The following SRGAP3 variants were observed in gnomAD, a reference collection of about 807,000 sequenced individuals.
SRGAP3 encodes the protein SLIT-ROBO Rho GTPase activating protein 3, also known as SLIT-ROBO Rho GTPase-activating protein 3.
Under a neutral mutation model 121.1 loss-of-function variants are expected in SRGAP3, and 39 were observed. The observed-to-expected ratio is 0.32, with a 90% CI of 0.25 to 0.42. The LOEUF is 0.42. Ranked by LOEUF, SRGAP3 falls within the 10% of genes least tolerant of loss-of-function variation. The pLI, the probability that SRGAP3 is intolerant of heterozygous loss-of-function variation, is 1.00. For synonymous variants in SRGAP3, 601 were observed against 570.0 expected, an observed-to-expected ratio of 1.05 and a Z score of -0.77; for missense variants, 1,213 against 1,470.6, an observed-to-expected ratio of 0.82 and a Z score of 2.86.
chr3:8,991,102 C>T (rs1475763643), intron 20 of SRGAP3, among the ~76,000 whole-genome samples: 6 of 152,300 alleles, frequency 3.9e-5, no homozygotes, highest in East Asian at 1.9e-4. Flanking sequence ...TGCCGCCAAC[C>T]GCAAAATGCA....
chr3:9,281,204 A>ACAGTAT (rs1215321072), intron 3 of SRGAP3, among the ~76,000 whole-genome samples: 21 of 152,208 alleles, frequency 1.4e-4, no homozygotes, highest in African/African-American at 5.1e-4. Flanking sequence ...TATGAAAATT[A>ACAGTAT]CAGTATCAGG....
chr3:9,019,790 T>C (rs1368690217), intron 14 of SRGAP3, among the ~76,000 whole-genome samples: 1 of 152,244 alleles, frequency 6.6e-6, no homozygotes, highest in Non-Finnish European at 1.5e-5. Context: ...CCATCTGTTC[T>C]CTTGGCTGGG....
At chr3:9,013,975 C>T (rs978680442) in intron 15 of SRGAP3, 133 bp from the exon 16 acceptor site, 9 of 818,744 alleles carry the variant, frequency 1.1e-5, no homozygotes, top group Non-Finnish European at 1.7e-5. Context: ...CCAGGGATCA[C>T]AGGTGATCCT....
intron 1 of SRGAP3, among the ~76,000 whole-genome samples, chr3:9,190,852 G>A (rs1381603403): frequency 6.6e-6 from 1 of 152,130 alleles, no homozygotes; most frequent in Non-Finnish European, 1.5e-5. Context: ...TCCCAGGGCT[G>A]GGGACCCTTA....
rs1161338047 is a variant in SRGAP3 at position 9,277,539 on chromosome 3, C to T, written n.442+48471G>A. On this transcript the variant is annotated intron_variant and non_coding_transcript_variant, in intron 3 of 3. Transcript: ENST00000490889. The stretch of plus-strand genomic sequence containing the variant: ...AGGAGAATTGCTTGAACCCGGGAGG[C>T]GGAGGTTGCAGTGAACCGAGATCAC... Among the ~76,000 whole-genome samples the T allele has an allele frequency of 6.0e-5, 8 of 132,852 alleles. No individual in the cohort carries two copies. The South Asian group carries it at 7.4e-4, about 12-fold the overall frequency. The allele number at this position is 132,852 out of a possible 152,430, so 87.2% of individuals were successfully genotyped here. A position where few individuals can be genotyped will look rare whatever the true frequency, so the allele number is the denominator to read the frequency against.
At chr3:9,194,976 C>T (rs527880414) in intron 1 of SRGAP3, among the ~76,000 whole-genome samples, 22 of 152,348 alleles carry the variant, frequency 1.4e-4, no homozygotes, top group African/African-American at 5.3e-4. Context: ...ATACCCAGTG[C>T]TGTGTTGGCA....
At chr3:9,242,767 C>T (rs1008340424) in intron 1 of SRGAP3, among the ~76,000 whole-genome samples, 2 of 152,220 alleles carry the variant, frequency 1.3e-5, no homozygotes, top group Non-Finnish European at 2.9e-5. Context: ...TGACTGCAGC[C>T]TTGAACTCCT....
intron 3 of SRGAP3, among the ~76,000 whole-genome samples, chr3:9,095,030 G>C (rs1488297884): frequency 2.0e-5 from 3 of 152,060 alleles, no homozygotes; most frequent in Non-Finnish European, 4.4e-5. Flanking sequence ...CCGAAGTGCT[G>C]AGATTACAGG....
At chr3:9,311,724 C>G (rs1955251265) in intron 3 of SRGAP3, among the ~76,000 whole-genome samples, 1 of 152,184 alleles carries the variant, frequency 6.6e-6, no homozygotes. Context: ...AGGCCACAGG[C>G]TGCGTTTGGC....
chr3:9,346,313 T>C (rs1353337966), intron 1 of SRGAP3, among the ~76,000 whole-genome samples: 1 of 152,146 alleles, frequency 6.6e-6, no homozygotes, highest in South Asian at 2.1e-4. Context: ...GGTGAAATCA[T>C]AGCTCACTGC....
At chr3:9,296,366 A>G (rs1466708925) in intron 3 of SRGAP3, among the ~76,000 whole-genome samples, 3 of 152,140 alleles carry the variant, frequency 2.0e-5, no homozygotes. Flanking sequence ...CTGTGTCTTC[A>G]GTTTGCATTT....
chr3:9,039,521 G>C (rs1268543156), intron 10 of SRGAP3, among the ~76,000 whole-genome samples: 1 of 152,184 alleles, frequency 6.6e-6, no homozygotes, highest in Non-Finnish European at 1.5e-5. Flanking sequence ...TTACCCATTT[G>C]GAGTGTATAA....
At chr3:9,250,134 G>A (rs906116159), upstream of SRGAP3, among the ~76,000 whole-genome samples, 1 of 152,190 alleles carries the variant, frequency 6.6e-6, no homozygotes, top group Non-Finnish European at 1.5e-5. Context: ...TGGGTCATTG[G>A]CTTGTGGGGC....
intron 3 of SRGAP3, among the ~76,000 whole-genome samples, chr3:9,267,416 C>T (rs909233822): frequency 6.6e-6 from 1 of 152,176 alleles, no homozygotes; most frequent in African/African-American, 2.4e-5. Context: ...AGAGTTCATG[C>T]TGTGCCACAT....
intron 1 of SRGAP3, among the ~76,000 whole-genome samples, chr3:9,186,747 G>A (rs1300970903): frequency 6.6e-6 from 1 of 152,068 alleles, no homozygotes. Flanking sequence ...GGTCTAAGGT[G>A]GATGTTTATT....
intron 4 of SRGAP3, among the ~76,000 whole-genome samples, chr3:9,079,102 G>A (rs1400058636): frequency 6.6e-6 from 1 of 152,200 alleles, no homozygotes; most frequent in Non-Finnish European, 1.5e-5. Context: ...CTCACAGACT[G>A]CTGTTCTTTC....
intron 1 of SRGAP3, among the ~76,000 whole-genome samples, chr3:9,183,738 T>C: frequency 6.7e-6 from 1 of 149,370 alleles, no homozygotes; most frequent in South Asian, 2.2e-4. Flanking sequence ...ATGGTTGTGT[T>C]ATATATAGTA....
intron 8 of SRGAP3, among the ~76,000 whole-genome samples, chr3:9,056,001 G>A (rs1215394387): frequency 1.3e-5 from 2 of 152,116 alleles, no homozygotes; most frequent in Non-Finnish European, 2.9e-5. Context: ...CCAGGTTCAA[G>A]CAATTCTCTT....
chr3:9,193,142 C>T (rs1358602172), intron 1 of SRGAP3: 2 of 152,218 alleles, frequency 1.3e-5, no homozygotes, highest in East Asian at 1.9e-4. Flanking sequence ...AGATTTCTGG[C>T]CTGGGCAATT....
Sources: gnomAD v4.1 joint callset for allele counts (sites outside exome capture counted in the v4.1 genomes callset) on GRCh38, gnomAD v4.1.1 for gene constraint, MANE v1.5 for transcripts, NCBI Gene and HGNC (gene_info 2026-07-23, HGNC 2026-07-21) for gene names.